COL4A4: variants seen among roughly 807,000 people sequenced by gnomAD.
COL4A4 encodes the protein collagen alpha-4(IV) chain.
In COL4A4, 105 loss-of-function variants were observed where a neutral mutation model predicts 192.9. That is an observed-to-expected ratio of 0.54 (90% CI 0.46 to 0.64). The LOEUF is 0.64. Among genes scored for constraint, COL4A4 ranks in the 30% least tolerant of loss-of-function variants. The probability of loss-of-function intolerance (pLI) is 0.00; values close to 1 mark genes in which losing one functional copy is unlikely to be tolerated. For missense variants in COL4A4, 1,967 were observed against 2,169.3 expected (o/e 0.91, Z 1.85); for synonymous variants, 762 against 769.9 (o/e 0.99, Z 0.17).
chr2:227,142,445 T>TATATTTGTCAC (rs1381993652), intron 3 of COL4A4, among the ~76,000 whole-genome samples: 8 of 152,184 alleles, frequency 5.3e-5, no homozygotes, highest in Non-Finnish European at 1.0e-4. Context: ...TTGTTAAACA[T>TATATTTGTCAC]ATATTTGTCA....
rs745672795 is a variant in COL4A4, at chr2:227,118,652, C to T, written c.482G>A (p.Gly161Asp). 6.2e-7 allele frequency: 1 copy of T among 1,612,096 alleles called. No individual in the cohort carries two copies. The highest frequency in any genetic ancestry group is 1.7e-5 in the Admixed American group (1 of 60,014). The change falls in exon 7 of 48, where the codon GGC becomes GAC. Residue 161 changes from glycine (G) to aspartate (D), a missense_variant. Coordinates refer to ENST00000396625, the MANE Select transcript of COL4A4 (RefSeq NM_000092.5). The stretch of plus-strand genomic sequence containing the variant: ...GAACTGTGGGTATCTTACTAGGGGG[C>T]CTCCTGGGCCAAGAGCTCCTCTTCC... ...PGGRGALGPG[G>D]PLGHPGEKGE...
intron 28 of COL4A4, among the ~76,000 whole-genome samples, chr2:227,059,106 C>G (rs1976224667): frequency 6.6e-6 from 1 of 152,230 alleles, no homozygotes; most frequent in African/African-American, 2.4e-5. Context: ...CAGCCCCAGA[C>G]AGGTTACACA....
Position 227,051,095 on chromosome 2 carries a change from C to T in COL4A4, c.3032G>A (p.Gly1011Glu). The T allele has an allele frequency of 6.2e-7, 1 of 1,614,146 alleles. No individual in the cohort carries two copies. The highest frequency in any genetic ancestry group is 8.5e-7 in the Non-Finnish European group (1 of 1,180,012). The stretch of plus-strand genomic sequence containing the variant: ...CTCACCAGGTTCCCCTCTGTGAAAT[C>T]CAGGTGGTCCGTATCTTCCCGGCTC... Reference protein sequence around the residue: ...RGEPGRYGPPGFHRGEPGEKG... With the variant: ...RGEPGRYGPPEFHRGEPGEKG... The change falls in exon 33 of 48, where the codon GGA becomes GAA. Residue 1011 changes from glycine to glutamate, a missense_variant. By Grantham distance (98) the Gly-to-Glu change is moderately conservative. Transcript: ENST00000396625.
intron 42 of COL4A4, among the ~76,000 whole-genome samples, chr2:227,026,554 T>C (rs957383988): frequency 1.2e-4 from 18 of 151,996 alleles, no homozygotes; most frequent in African/African-American, 4.4e-4. Context: ...TGTCCTATGA[T>C]ACATCATAAA....
intron 2 of COL4A4, among the ~76,000 whole-genome samples, chr2:227,146,454 G>A (rs4673179): frequency 0.56 from 84,828 of 151,844 alleles, 25,536 homozygotes; most frequent in African/African-American, 0.8. Context: ...TTTTTTCACT[G>A]TTTAACATTT....
intron 44 of COL4A4, among the ~76,000 whole-genome samples, chr2:227,015,927 C>CT (rs887214724): frequency 4.6e-5 from 7 of 151,378 alleles, no homozygotes; most frequent in Non-Finnish European, 7.4e-5. Flanking sequence ...TTTAAGTTAC[C>CT]TTTTTTTTTC....
intron 34 of COL4A4, 137 bp from the exon 35 acceptor site, chr2:227,047,686 AAAT>A: frequency 1.5e-6 from 1 of 650,628 alleles, no homozygotes; most frequent in Non-Finnish European, 2.8e-6. Flanking sequence ...CTTTTATTCT[AAAT>A]AAGAACAAAT....
intron 42 of COL4A4, among the ~76,000 whole-genome samples, chr2:227,027,225 C>G: frequency 6.7e-6 from 1 of 148,420 alleles, no homozygotes; most frequent in African/African-American, 2.5e-5. Context: ...GCACTCCAGC[C>G]TGGATGACAG....
intron 8 of COL4A4, among the ~76,000 whole-genome samples, chr2:227,112,112 T>A (rs984598680): frequency 6.6e-6 from 1 of 152,108 alleles, no homozygotes; most frequent in African/African-American, 2.4e-5. Context: ...GAAACTCAGG[T>A]GGAAATTGCC....
chr2:227,106,574 T>C (rs527638593), intron 12 of COL4A4, among the ~76,000 whole-genome samples: 102 of 152,328 alleles, frequency 6.7e-4, no homozygotes, highest in African/African-American at 2.4e-3. Context: ...TTTATTTATT[T>C]ATATTTTTTG....
rs1326829959 is a variant in COL4A4, at chr2:227,062,669, C to CA, written c.1988-72dup. ...GTGCAATGTGAGTCTGTCTCAATGACAACTTCCTCAAGATATTTTTCTGTA... is the reference window on the plus strand; with the variant it reads ...GTGCAATGTGAGTCTGTCTCAATGACAAACTTCCTCAAGATATTTTTCTGTA... On this transcript the variant is annotated intron_variant, in intron 25 of 47. Coordinates refer to ENST00000396625, the MANE Select transcript of COL4A4 (RefSeq NM_000092.5). 18 of 1,033,788 alleles carry CA rather than the reference C, an allele frequency of 1.7e-5. 1 individual carries two copies. The highest frequency in any genetic ancestry group is 1.4e-4 in the South Asian group (11 of 77,580). The allele number at this position is 1,033,788 out of a possible 1,614,324, so 64.0% of individuals were successfully genotyped here.
At position 227,028,756 on chromosome 2, in the gene COL4A4, A is replaced by G. The variant is rs375010941; in HGVS notation, c.3974-747T>C. On this transcript the variant is annotated intron_variant, in intron 41 of 47. Coordinates refer to ENST00000396625, the MANE Select transcript of COL4A4 (RefSeq NM_000092.5). Reference sequence around the variant, plus strand: ...CTGCAGCCTCCAACTCTTGGGTTCCAGCGATCCTCTCACCTCAGCCTCCCG... The same window carrying G: ...CTGCAGCCTCCAACTCTTGGGTTCCGGCGATCCTCTCACCTCAGCCTCCCG... Among the ~76,000 whole-genome samples the G allele has an allele frequency of 1.7e-3, 261 of 151,714 alleles. 3 individuals carry two copies. The highest frequency in any genetic ancestry group is 5.9e-3 in the African/African-American group (245 of 41,354).
chr2:227,066,623 A>G (rs2150351799), intron 25 of COL4A4, among the ~76,000 whole-genome samples: 2 of 150,798 alleles, frequency 1.3e-5, no homozygotes, highest in African/African-American at 4.8e-5. Flanking sequence ...ACTAAGCTTC[A>G]TAAGTGAAGG....
At chr2:227,088,518 TAC>T in intron 22 of COL4A4, 133 bp downstream of exon 22, 2 of 1,187,622 alleles carry the variant, frequency 1.7e-6, no homozygotes, top group South Asian at 2.5e-5. Flanking sequence ...TCCCCACCCA[TAC>T]AGAACTGCGA....
chr2:227,029,769 AAAAATTGATT>A lies in COL4A4; in HGVS notation c.3973+664_3973+673del, dbSNP rs1283270691. ...TCTCCCCAAATATTAGCAGTTGGAT[AAAAATTGATT>A]AAAATAAATATTTTAACCTCAAATA... On this transcript the variant is annotated intron_variant, in intron 41 of 47. Transcript: ENST00000396625. 5.9e-5 allele frequency among the ~76,000 whole-genome samples: 9 copies of A among 152,368 alleles called. No individual in the cohort carries two copies. The East Asian group carries it at 1.3e-3, about 23-fold the overall frequency.
intron 25 of COL4A4, 59 bp from the exon 26 acceptor site, chr2:227,062,657 CTG>C: frequency 1.7e-6 from 2 of 1,172,610 alleles, no homozygotes; most frequent in Non-Finnish European, 2.6e-6. Context: ...CAATGTGAGT[CTG>C]TCTCAATGAC....
At chr2:227,093,081 C>T (rs1261992934) in intron 20 of COL4A4, among the ~76,000 whole-genome samples, 1 of 152,106 alleles carries the variant, frequency 6.6e-6, no homozygotes, top group Non-Finnish European at 1.5e-5. Context: ...CCTGAAAGTG[C>T]CCTTGCAAAA....
intron 40 of COL4A4, among the ~76,000 whole-genome samples, chr2:227,031,390 A>T (rs1055270948): frequency 7.2e-5 from 11 of 152,052 alleles, no homozygotes; most frequent in African/African-American, 2.2e-4. Flanking sequence ...TCTTCTCCCA[A>T]CTCCCAACCC....
chr2:226,995,632 G>T, the COL4A4 span: 2 of 774,524 alleles, frequency 2.6e-6, no homozygotes, highest in South Asian at 1.6e-5. Context: ...AGAGTACACC[G>T]GTATTGCTCC....
Sources: gnomAD v4.1 joint callset for allele counts (sites outside exome capture counted in the v4.1 genomes callset) on GRCh38, gnomAD v4.1.1 for gene constraint, MANE v1.5 for transcripts, NCBI Gene and HGNC (gene_info 2026-07-23, HGNC 2026-07-21) for gene names.